GRM5: variants seen among roughly 807,000 people sequenced by gnomAD.
GRM5 encodes glutamate metabotropic receptor 5, also known as metabotropic glutamate receptor 5.
Under a neutral mutation model 83.1 loss-of-function variants are expected in GRM5, and 19 were observed. That is an observed-to-expected ratio of 0.23 (90% CI 0.16 to 0.34). GRM5 has a LOEUF of 0.34. Ranked by LOEUF, GRM5 falls within the 10% of genes least tolerant of loss-of-function variation. The pLI is 1.00. For synonymous variants in GRM5, 675 were observed against 633.6 expected (o/e 1.07, Z -0.98); for missense variants, 1,160 against 1,588.3 (o/e 0.73, Z 4.58).
At chr11:88,929,655 G>C (rs1427985630) in intron 2 of GRM5, among the ~76,000 whole-genome samples, 3 of 152,076 alleles carry the variant, frequency 2.0e-5, no homozygotes, top group Non-Finnish European at 1.5e-5. Context: ...TTAAGTTTAT[G>C]TTTGTCAATG....
chr11:88,513,247 C>G (rs989375420), intron 9 of GRM5, among the ~76,000 whole-genome samples: 2 of 152,144 alleles, frequency 1.3e-5, no homozygotes, highest in Non-Finnish European at 2.9e-5. Flanking sequence ...TATGAAGGCA[C>G]AGATGGAGGG....
At chr11:88,783,253 A>C (rs1943006767) in intron 3 of GRM5, among the ~76,000 whole-genome samples, 1 of 152,150 alleles carries the variant, frequency 6.6e-6, no homozygotes, top group African/African-American at 2.4e-5. Flanking sequence ...CTTGTGTTCA[A>C]ATGATTTATG....
chr11:88,549,178 A>G (rs907491871), intron 8 of GRM5, among the ~76,000 whole-genome samples: 7 of 152,202 alleles, frequency 4.6e-5, no homozygotes, highest in African/African-American at 1.4e-4. Flanking sequence ...AGAAATGGCC[A>G]GGAGGCCTGG....
chr11:88,987,840 C>T (rs1394850976), intron 2 of GRM5, among the ~76,000 whole-genome samples: 2 of 151,388 alleles, frequency 1.3e-5, no homozygotes, highest in African/African-American at 2.4e-5. Flanking sequence ...AAAGGACATG[C>T]ACACCAAAAA....
At chr11:88,958,243 T>A (rs1049242817) in intron 2 of GRM5, among the ~76,000 whole-genome samples, 61 of 149,070 alleles carry the variant, frequency 4.1e-4, no homozygotes, top group African/African-American at 1.4e-3. Context: ...CAAAAATATT[T>A]TATATATATA....
intron 2 of GRM5, among the ~76,000 whole-genome samples, chr11:88,990,605 A>G (rs1175032102): frequency 6.7e-6 from 1 of 148,722 alleles, no homozygotes; most frequent in Non-Finnish European, 1.5e-5. Flanking sequence ...TTGATGCAAA[A>G]ATCCTCAATA....
intron 7 of GRM5, among the ~76,000 whole-genome samples, chr11:88,581,139 A>T (rs1943206999): frequency 6.6e-6 from 1 of 152,120 alleles, no homozygotes; most frequent in Non-Finnish European, 1.5e-5. Context: ...TAAATAAATA[A>T]ATAAATAAAC....
intron 4 of GRM5, among the ~76,000 whole-genome samples, chr11:88,651,389 AAG>A (rs1939627466): frequency 6.6e-6 from 1 of 152,036 alleles, no homozygotes; most frequent in Non-Finnish European, 1.5e-5. Flanking sequence ...AGAGGAACTA[AAG>A]ATGAAATCAG....
At chr11:88,620,501 T>G (rs989435018) in intron 4 of GRM5, among the ~76,000 whole-genome samples, 1 of 152,190 alleles carries the variant, frequency 6.6e-6, no homozygotes, top group Non-Finnish European at 1.5e-5. Flanking sequence ...TGGAATAGAC[T>G]TACTGTATGG....
chr11:88,535,083 G>A (rs1591330039), intron 8 of GRM5, among the ~76,000 whole-genome samples: 1 of 152,092 alleles, frequency 6.6e-6, no homozygotes, highest in South Asian at 2.1e-4. Context: ...CACAGTCTCG[G>A]GTATGTCTTT....
rs200947500 is a variant in GRM5, at chr11:88,551,054, AC to A, written c.2630+15998del. Among the ~76,000 whole-genome samples, 1,732 of 152,194 alleles carry A rather than the reference AC, an allele frequency of 0.011. 87 individuals are homozygous for A. The East Asian group carries it at 0.13, about 12-fold the overall frequency. On this transcript the variant is annotated intron_variant, in intron 8 of 9. Transcript: ENST00000305447. ...TTCAGTGAATATCTATGTGGTATTG[AC>A]AGTAGTACCTGCTACTGTCAGTCTC...
At chr11:88,845,392 C>G (rs1415297684) in intron 3 of GRM5, among the ~76,000 whole-genome samples, 2 of 137,962 alleles carry the variant, frequency 1.4e-5, no homozygotes, top group Non-Finnish European at 3.1e-5. Context: ...CTATTGTGCA[C>G]TTATTAGGCT....
At chr11:88,951,660 T>A (rs1305500923) in intron 2 of GRM5, among the ~76,000 whole-genome samples, 1 of 152,258 alleles carries the variant, frequency 6.6e-6, no homozygotes, top group Non-Finnish European at 1.5e-5. Context: ...AGCAACTTGC[T>A]TATCCCCTCT....
intron 3 of GRM5, among the ~76,000 whole-genome samples, chr11:88,657,481 C>T (rs1939791514): frequency 1.3e-5 from 2 of 152,166 alleles, no homozygotes; most frequent in Admixed American, 1.3e-4. Flanking sequence ...ACCTCACTAG[C>T]AGATACTTAG....
intron 2 of GRM5, among the ~76,000 whole-genome samples, chr11:88,999,728 C>G (rs1438485056): frequency 6.6e-6 from 1 of 152,078 alleles, no homozygotes; most frequent in African/African-American, 2.4e-5. Flanking sequence ...CCCAGCCATC[C>G]CATTACTGGG....
At chr11:88,761,187 G>A (rs961382208) in intron 3 of GRM5, among the ~76,000 whole-genome samples, 15 of 152,172 alleles carry the variant, frequency 9.9e-5, no homozygotes, top group Admixed American at 3.9e-4. Flanking sequence ...CATAGTATTC[G>A]AAGTCCTGGC....
At chr11:88,648,839 T>C (rs571529375) in intron 4 of GRM5, among the ~76,000 whole-genome samples, 1 of 151,662 alleles carries the variant, frequency 6.6e-6, no homozygotes, top group South Asian at 2.1e-4. Flanking sequence ...ATAAGTCATA[T>C]GTGTGACATG....
chr11:88,790,554 G>A (rs1201351505), intron 3 of GRM5, among the ~76,000 whole-genome samples: 1 of 152,110 alleles, frequency 6.6e-6, no homozygotes, highest in Non-Finnish European at 1.5e-5. Flanking sequence ...ATAGTACTAG[G>A]AGAGAAGGTA....
intron 2 of GRM5, among the ~76,000 whole-genome samples, chr11:88,989,506 C>A (rs1415245651): frequency 1.6e-5 from 2 of 128,408 alleles, no homozygotes; most frequent in Non-Finnish European, 3.4e-5. Context: ...CTGCACCAAG[C>A]GGACCTAATA....
Sources: gnomAD v4.1 joint callset for allele counts (sites outside exome capture counted in the v4.1 genomes callset) on GRCh38, gnomAD v4.1.1 for gene constraint, MANE v1.5 for transcripts, NCBI Gene and HGNC (gene_info 2026-07-23, HGNC 2026-07-21) for gene names.